The following APBB2 variants were observed in gnomAD, a reference collection of about 807,000 sequenced individuals.
The protein encoded by APBB2 is amyloid beta precursor protein binding family B member 2.
Under a neutral mutation model 82.5 loss-of-function variants are expected in APBB2, and 38 were observed. That is an observed-to-expected ratio of 0.46 (90% CI 0.36 to 0.60). The LOEUF (loss-of-function observed/expected upper bound fraction) is 0.60. Among genes scored for constraint, APBB2 ranks in the 20% least tolerant of loss-of-function variants. The pLI is 0.00. For missense variants in APBB2, 772 were observed against 972.3 expected (o/e 0.79, Z 2.74); for synonymous variants, 341 against 368.2 (o/e 0.93, Z 0.85).
At chr4:40,867,743 C>T (rs934326334) in intron 12 of APBB2, among the ~76,000 whole-genome samples, 2 of 151,998 alleles carry the variant, frequency 1.3e-5, no homozygotes, top group African/African-American at 4.8e-5. Context: ...GCTTAGCCTA[C>T]AAAAAACTTC....
chr4:40,920,080 C>A (rs917200919), intron 10 of APBB2, among the ~76,000 whole-genome samples: 1 of 152,120 alleles, frequency 6.6e-6, no homozygotes, highest in Non-Finnish European at 1.5e-5. Context: ...GTGTCCCCAC[C>A]CAAATCTCAT....
chr4:40,896,949 C>T (rs1329760765), intron 10 of APBB2, among the ~76,000 whole-genome samples: 2 of 152,316 alleles, frequency 1.3e-5, no homozygotes, highest in East Asian at 3.9e-4. Flanking sequence ...AGCAATGTTA[C>T]TGTGAGATAA....
chr4:41,024,806 G>A (rs1296972009), intron 5 of APBB2, among the ~76,000 whole-genome samples: 3 of 152,204 alleles, frequency 2.0e-5, no homozygotes, highest in Non-Finnish European at 2.9e-5. Context: ...CCATCTGGGC[G>A]CCATAGTGAA....
At chr4:41,009,140 G>A (rs1807609181) in intron 6 of APBB2, among the ~76,000 whole-genome samples, 1 of 151,992 alleles carries the variant, frequency 6.6e-6, no homozygotes, top group Non-Finnish European at 1.5e-5. Context: ...GTGATTAACA[G>A]AGAGACTATA....
chr4:40,927,538 G>C (rs1782925168), intron 10 of APBB2, among the ~76,000 whole-genome samples: 1 of 152,138 alleles, frequency 6.6e-6, no homozygotes, highest in South Asian at 2.1e-4. Context: ...CTGAAGTGCA[G>C]TGGCCGATCA....
At chr4:41,059,171 T>C (rs1728861052) in intron 4 of APBB2, among the ~76,000 whole-genome samples, 2 of 151,112 alleles carry the variant, frequency 1.3e-5, no homozygotes, top group Non-Finnish European at 2.9e-5. Flanking sequence ...AAGAAAACAA[T>C]AACATTAGGC....
chr4:40,915,164 A>G (rs952891248), intron 10 of APBB2, among the ~76,000 whole-genome samples: 1 of 152,194 alleles, frequency 6.6e-6, no homozygotes, highest in Admixed American at 6.5e-5. Flanking sequence ...TCATCCACTA[A>G]GGACTCATCA....
At chr4:41,126,089 G>T (rs955357261) in intron 2 of APBB2, among the ~76,000 whole-genome samples, 3 of 151,970 alleles carry the variant, frequency 2.0e-5, no homozygotes, top group Non-Finnish European at 2.9e-5. Context: ...CAACAAAAAT[G>T]ATCAGAAAGG....
chr4:41,137,150 C>T (rs73810836), intron 2 of APBB2, among the ~76,000 whole-genome samples: 7,757 of 152,090 alleles, frequency 0.051, 426 homozygotes, highest in African/African-American at 0.13. Flanking sequence ...ACCAAACACA[C>T]GCAAGACATT....
chr4:41,050,207 C>T (rs1051799286), intron 4 of APBB2, among the ~76,000 whole-genome samples: 3 of 152,224 alleles, frequency 2.0e-5, no homozygotes, highest in African/African-American at 7.2e-5. Context: ...TAATATAGCA[C>T]TTAGATTCTC....
intron 5 of APBB2, among the ~76,000 whole-genome samples, chr4:41,026,489 C>A (rs1192573668): frequency 6.6e-6 from 1 of 152,174 alleles, no homozygotes; most frequent in Non-Finnish European, 1.5e-5. Flanking sequence ...CATTAACAGT[C>A]ACGACCCATT....
intron 6 of APBB2, among the ~76,000 whole-genome samples, chr4:41,007,444 T>C (rs1053201423): frequency 2.6e-5 from 4 of 152,168 alleles, no homozygotes; most frequent in African/African-American, 9.7e-5. Flanking sequence ...ATGACAACCA[T>C]GGATCAATCT....
chr4:41,187,685 T>C (rs998673545), intron 1 of APBB2, among the ~76,000 whole-genome samples: 1 of 152,202 alleles, frequency 6.6e-6, no homozygotes, highest in African/African-American at 2.4e-5. Flanking sequence ...CACATACACA[T>C]TCATAAACTG....
At chr4:40,879,827 G>C (rs1220596750) in intron 12 of APBB2, among the ~76,000 whole-genome samples, 2 of 151,966 alleles carry the variant, frequency 1.3e-5, no homozygotes, top group Non-Finnish European at 2.9e-5. Flanking sequence ...GAGTAGGTGG[G>C]ATTACAGGCA....
rs995264779 is a variant in APBB2 at position 40,842,384 on chromosome 4, G to A, written c.1530-11807C>T. On this transcript the variant is annotated intron_variant, in intron 12 of 17. Coordinates refer to ENST00000508593, the MANE Select transcript of APBB2 (RefSeq NM_004307.2). ...CGGCCGGTTACCTCTCTCTGAATCC[G>A]GGAAGGCGTGAGGGAACAGAGCAGA... 4.0e-5 allele frequency: 18 copies of A among 455,590 alleles called. 1 individual carries two copies. Among genetic ancestry groups the A allele is most frequent in the Admixed American group, 1.2e-4 (5 of 42,546 alleles). 28.2% of individuals were successfully genotyped at this position (455,590 alleles called of 1,614,324 possible). A position where few individuals can be genotyped will look rare whatever the true frequency, so the allele number is the denominator to read the frequency against.
At chr4:40,853,471 G>C (rs1409317393) in intron 12 of APBB2, among the ~76,000 whole-genome samples, 1 of 149,344 alleles carries the variant, frequency 6.7e-6, no homozygotes, top group Non-Finnish European at 1.5e-5. Flanking sequence ...TTTTTTTTGC[G>C]ATGGAGTTTC....
chr4:40,903,635 G>C (rs1775929798), intron 10 of APBB2, among the ~76,000 whole-genome samples: 1 of 152,176 alleles, frequency 6.6e-6, no homozygotes, highest in Non-Finnish European at 1.5e-5. Context: ...CGTTGGCAGA[G>C]AAAAAGGAAC....
chr4:40,960,767 G>A (rs910880018), intron 6 of APBB2, among the ~76,000 whole-genome samples: 4 of 151,808 alleles, frequency 2.6e-5, no homozygotes, highest in Admixed American at 2.0e-4. Context: ...TGTTTTTGAT[G>A]TTCATCAAAG....
chr4:40,910,846 C>G (rs764914828), intron 10 of APBB2, among the ~76,000 whole-genome samples: 2 of 152,254 alleles, frequency 1.3e-5, no homozygotes, highest in Non-Finnish European at 2.9e-5. Flanking sequence ...TCTGCATCAC[C>G]GGAGGGATAA....
Sources: allele counts gnomAD v4.1 joint callset (sites outside exome capture counted in the v4.1 genomes callset), GRCh38; gene constraint gnomAD v4.1.1; transcripts MANE v1.5; gene names NCBI Gene and HGNC (gene_info 2026-07-23, HGNC 2026-07-21).